PTGR1: variants seen among roughly 807,000 people sequenced by gnomAD.
PTGR1 encodes the protein prostaglandin reductase 1, also known as 15-oxoprostaglandin 13-reductase.
PTGR1 carries 23 observed loss-of-function variants against 37.7 expected under a neutral mutation model. That is an observed-to-expected ratio of 0.61 (90% CI 0.44 to 0.86). PTGR1 has a LOEUF of 0.86. PTGR1 is among the 40% of genes least tolerant of loss of function. PTGR1 has a pLI of 0.00. For synonymous variants in PTGR1, 134 were observed against 140.0 expected (o/e 0.96, Z 0.30); for missense variants, 351 against 394.3 (o/e 0.89, Z 0.93).
intron 9 of PTGR1, among the ~76,000 whole-genome samples, chr9:111,552,671 G>GT (rs772455241): frequency 1.3e-5 from 2 of 152,096 alleles, no homozygotes; most frequent in African/African-American, 4.8e-5. Context: ...AAATTTGGAG[G>GT]TTCTTTGAGA....
At chr9:111,589,381 G>T in intron 4 of PTGR1, 1 of 889,894 alleles carries the variant, frequency 1.1e-6, no homozygotes, top group Non-Finnish European at 1.3e-6. Context: ...TATAATAACT[G>T]GCTAGTCATT....
chr9:111,596,247 C>T (rs1829776599), intron 2 of PTGR1, among the ~76,000 whole-genome samples: 1 of 152,168 alleles, frequency 6.6e-6, no homozygotes, highest in Non-Finnish European at 1.5e-5. Context: ...TTCTGCCTCT[C>T]GAATCTGAGC....
intron 2 of PTGR1, among the ~76,000 whole-genome samples, chr9:111,595,420 G>A (rs952909040): frequency 1.3e-5 from 2 of 152,126 alleles, no homozygotes; most frequent in Non-Finnish European, 2.9e-5. Flanking sequence ...TTATGTTACA[G>A]TGCTCACCAT....
Position 111,586,126 on chromosome 9 carries a change from A to G in PTGR1, c.249T>C (p.Thr83=). The G allele has an allele frequency of 6.2e-7, 1 of 1,614,136 alleles. No individual in the cohort carries two copies. The change falls in exon 5 of 10, where the codon ACT becomes ACC. Residue 83 remains threonine, a synonymous_variant. Transcript: ENST00000407693. ...TCCAGCCTGGAGAAGCCAGTACAAT[A>G]GTTCCTTTTGGTAGGGCTACATTTT... ...ESKNVALPKG[T]IVLASPGWTT... is the part of the protein sequence containing the mutation.
rs59506521 is a variant in PTGR1 at position 111,551,720 on chromosome 9, T to C, written c.880-1921A>G. ...CACAACCCCAATTTTTGTTTAAAAT[T>C]TGCATCCACATTAACAAAACTTTTA... On this transcript the variant is annotated intron_variant, in intron 9 of 9. Coordinates refer to the PTGR1 transcript ENST00000538962. 3.6e-3 allele frequency among the ~76,000 whole-genome samples: 546 copies of C among 152,292 alleles called. 3 individuals carry two copies. Among genetic ancestry groups the C allele is most frequent in the African/African-American group, 0.012 (497 of 41,568 alleles).
At chr9:111,567,653 T>C (rs900528462) in intron 9 of PTGR1, among the ~76,000 whole-genome samples, 1 of 152,194 alleles carries the variant, frequency 6.6e-6, no homozygotes, top group African/African-American at 2.4e-5. Flanking sequence ...ATTAGCACTT[T>C]GGTTTACTTT....
At chr9:111,598,420 G>T (rs1216697866) in intron 1 of PTGR1, among the ~76,000 whole-genome samples, 2 of 152,218 alleles carry the variant, frequency 1.3e-5, no homozygotes, top group Non-Finnish European at 2.9e-5. Flanking sequence ...CCTGGAGGGA[G>T]CACTCCCGCA....
chr9:111,573,396 C>A (rs954608469), intron 8 of PTGR1, among the ~76,000 whole-genome samples: 5 of 152,096 alleles, frequency 3.3e-5, no homozygotes, highest in African/African-American at 1.2e-4. Flanking sequence ...CTTTGTCAGC[C>A]CCTTCCTTTC....
At chr9:111,572,483 A>G (rs1236074087) in intron 8 of PTGR1, among the ~76,000 whole-genome samples, 1 of 152,122 alleles carries the variant, frequency 6.6e-6, no homozygotes, top group African/African-American at 2.4e-5. Context: ...CCAGCTACTC[A>G]GGAGGCTAAG....
rs996251772 is a variant in PTGR1, at chr9:111,563,455, C to T, written c.880-224G>A. On this transcript the variant is annotated intron_variant, in intron 9 of 9. Transcript: ENST00000407693. ...ACACCTAAGAAGAAATAATAGGTGT[C>T]GGATCATAGTGCGAAATGTCATAAG... The T allele has an allele frequency of 6.0e-4, 245 of 411,352 alleles. 1 individual carries two copies. Among genetic ancestry groups the T allele is most frequent in the African/African-American group, 4.5e-3 (221 of 49,596 alleles). 25.5% of individuals were successfully genotyped at this position (411,352 alleles called of 1,614,324 possible).
intron 9 of PTGR1, among the ~76,000 whole-genome samples, chr9:111,551,168 A>G (rs562605416): frequency 7.9e-5 from 12 of 152,332 alleles, no homozygotes; most frequent in Non-Finnish European, 1.8e-4. Context: ...TTATTTCATC[A>G]TGTAATCAAT....
chr9:111,566,089 G>A (rs1828548938), intron 9 of PTGR1, among the ~76,000 whole-genome samples: 1 of 152,068 alleles, frequency 6.6e-6, no homozygotes. Flanking sequence ...TGTAATCCCA[G>A]CTACTTGGGA....
intron 8 of PTGR1, among the ~76,000 whole-genome samples, chr9:111,573,895 A>T (rs1828942917): frequency 6.6e-6 from 1 of 152,148 alleles, no homozygotes; most frequent in African/African-American, 2.4e-5. Flanking sequence ...AATGGAGCGC[A>T]TGGCAGGGCA....
intron 8 of PTGR1, among the ~76,000 whole-genome samples, chr9:111,572,424 A>G (rs1828858269): frequency 6.6e-6 from 1 of 152,122 alleles, no homozygotes; most frequent in African/African-American, 2.4e-5. Flanking sequence ...CCCTGTCTCT[A>G]CTAAAAATAA....
At chr9:111,574,941 C>T (rs1828994190) in intron 7 of PTGR1, 99 bp from the exon 8 acceptor site, 3 of 923,570 alleles carry the variant, frequency 3.2e-6, no homozygotes, top group African/African-American at 3.3e-5. Context: ...CCTGTTTTAG[C>T]AGCAACAAAA....
chr9:111,588,001 G>A (rs957708474), intron 4 of PTGR1, among the ~76,000 whole-genome samples: 14 of 141,306 alleles, frequency 9.9e-5, no homozygotes, highest in Non-Finnish European at 1.7e-4. Context: ...ATTCATAAAC[G>A]TGATTATTAT....
chr9:111,578,193 T>C (rs955460123), intron 7 of PTGR1, among the ~76,000 whole-genome samples: 3 of 152,292 alleles, frequency 2.0e-5, no homozygotes, highest in Middle Eastern at 3.4e-3. Flanking sequence ...TATATTCCCT[T>C]GTATCAGCGG....
At chr9:111,578,480 T>C (rs1248119590) in intron 7 of PTGR1, among the ~76,000 whole-genome samples, 1 of 151,966 alleles carries the variant, frequency 6.6e-6, no homozygotes, top group Non-Finnish European at 1.5e-5. Context: ...GGCACCTGAG[T>C]AGTGCGATCT....
At chr9:111,595,741 C>T (rs921443413) in intron 2 of PTGR1, among the ~76,000 whole-genome samples, 5 of 152,164 alleles carry the variant, frequency 3.3e-5, no homozygotes, top group Non-Finnish European at 7.3e-5. Flanking sequence ...TCATGCTATT[C>T]TCCTGCCTCA....
Sources: allele counts gnomAD v4.1 joint callset (sites outside exome capture counted in the v4.1 genomes callset), GRCh38; gene constraint gnomAD v4.1.1; transcripts MANE v1.5; gene names NCBI Gene and HGNC (gene_info 2026-07-23, HGNC 2026-07-21).